The following KIZ variants were observed in gnomAD, a reference collection of about 807,000 sequenced individuals.
KIZ encodes centrosomal protein kizuna.
A neutral mutation model predicts 79.6 loss-of-function variants in KIZ; 68 were observed. The observed-to-expected ratio is 0.85, with a 90% CI of 0.70 to 1.05. The LOEUF (loss-of-function observed/expected upper bound fraction) is 1.05, where lower values mean the gene tolerates loss of function less well. Among genes scored for constraint, KIZ ranks in the 50% least tolerant of loss-of-function variants. The probability of loss-of-function intolerance (pLI) is 0.00; values close to 1 mark genes in which losing one functional copy is unlikely to be tolerated. For missense variants in KIZ, 797 were observed against 800.4 expected (o/e 1.00, Z 0.05); for synonymous variants, 280 against 281.8 (o/e 0.99, Z 0.06).
chr20:21,231,914 G>A (rs1014460180), intron 10 of KIZ, among the ~76,000 whole-genome samples: 2 of 152,158 alleles, frequency 1.3e-5, no homozygotes, highest in Non-Finnish European at 2.9e-5. Context: ...ACCTCCTCCT[G>A]GTAAGCATGT....
intron 9 of KIZ, among the ~76,000 whole-genome samples, chr20:21,224,153 A>G (rs1568992764): frequency 6.6e-6 from 1 of 151,734 alleles, no homozygotes; most frequent in Admixed American, 6.6e-5. Context: ...GCCACCATGC[A>G]GTGGTGCAGA....
intron 6 of KIZ, among the ~76,000 whole-genome samples, chr20:21,200,259 A>C (rs1452637788): frequency 6.6e-6 from 1 of 151,888 alleles, no homozygotes; most frequent in Admixed American, 6.6e-5. Context: ...CCCATAGCAT[A>C]CTCTAGAGCA....
chr20:21,154,581 A>G (rs1336372387), intron 4 of KIZ, among the ~76,000 whole-genome samples: 1 of 152,230 alleles, frequency 6.6e-6, no homozygotes, highest in Admixed American at 6.5e-5. Context: ...GCACTCAACT[A>G]CAGAAAGTAA....
intron 6 of KIZ, among the ~76,000 whole-genome samples, chr20:21,175,701 T>G (rs1290100089): frequency 2.0e-5 from 3 of 152,178 alleles, no homozygotes; most frequent in African/African-American, 7.2e-5. Flanking sequence ...GAACCACATG[T>G]CTCAGACCTT....
chr20:21,197,748 A>G (rs2035405514), intron 6 of KIZ: 1 of 152,258 alleles, frequency 6.6e-6, no homozygotes, highest in Non-Finnish European at 1.5e-5. Flanking sequence ...TTACAGATAT[A>G]TTTCAGTAAA....
At chr20:21,187,368 C>T (rs2034921495) in intron 6 of KIZ, among the ~76,000 whole-genome samples, 1 of 152,190 alleles carries the variant, frequency 6.6e-6, no homozygotes, top group Non-Finnish European at 1.5e-5. Context: ...ACCTGCCCTA[C>T]TCATCTGAGT....
At chr20:21,203,615 G>T (rs2123161296) in intron 6 of KIZ, among the ~76,000 whole-genome samples, 1 of 152,172 alleles carries the variant, frequency 6.6e-6, no homozygotes. Flanking sequence ...CATTTCTTCT[G>T]CATTTATTGG....
intron 6 of KIZ, among the ~76,000 whole-genome samples, chr20:21,181,189 A>G (rs879368640): frequency 3.3e-5 from 5 of 152,154 alleles, no homozygotes; most frequent in Non-Finnish European, 5.9e-5. Context: ...CATGCCAGCA[A>G]ACAGCACCAC....
intron 4 of KIZ, among the ~76,000 whole-genome samples, chr20:21,153,083 G>C (rs2033198431): frequency 6.6e-6 from 1 of 152,180 alleles, no homozygotes; most frequent in Non-Finnish European, 1.5e-5. Context: ...TGTGAACATG[G>C]ACAAGTTGCT....
At chr20:21,230,359 C>T (rs1384678191) in intron 10 of KIZ, among the ~76,000 whole-genome samples, 1 of 152,150 alleles carries the variant, frequency 6.6e-6, no homozygotes, top group Non-Finnish European at 1.5e-5. Flanking sequence ...CCTATACTAC[C>T]AGCTATTTAA....
At chr20:21,187,550 C>T (rs1166214405) in intron 6 of KIZ, among the ~76,000 whole-genome samples, 1 of 152,182 alleles carries the variant, frequency 6.6e-6, no homozygotes, top group African/African-American at 2.4e-5. Flanking sequence ...ATCATGCCTT[C>T]TTGTTTCCCT....
intron 6 of KIZ, among the ~76,000 whole-genome samples, chr20:21,204,462 A>T (rs1241059834): frequency 6.6e-6 from 1 of 151,864 alleles, no homozygotes; most frequent in Non-Finnish European, 1.5e-5. Flanking sequence ...TTTATTTTTT[A>T]AATTTTATTA....
intron 7 of KIZ, among the ~76,000 whole-genome samples, chr20:21,211,514 C>T (rs1327819543): frequency 6.6e-6 from 1 of 152,176 alleles, no homozygotes; most frequent in Non-Finnish European, 1.5e-5. Context: ...GAAACCCAAG[C>T]ATAGTTCAAT....
At chr20:21,226,601 C>T (rs531704713) in intron 9 of KIZ, among the ~76,000 whole-genome samples, 83 of 152,334 alleles carry the variant, frequency 5.4e-4, no homozygotes, top group African/African-American at 2.0e-3. Context: ...GTGCTAGGCG[C>T]TCTGCCCTCT....
intron 11 of KIZ, among the ~76,000 whole-genome samples, chr20:21,235,015 A>G (rs2036958790): frequency 6.6e-6 from 1 of 152,194 alleles, no homozygotes; most frequent in Non-Finnish European, 1.5e-5. Flanking sequence ...TGAGAGATAC[A>G]TTGTGCAAAT....
chr20:21,179,040 G>GGT (rs2034543867), intron 6 of KIZ, among the ~76,000 whole-genome samples: 1 of 151,728 alleles, frequency 6.6e-6, no homozygotes, highest in South Asian at 2.1e-4. Flanking sequence ...TCTTTTTTGT[G>GGT]GTATCTTTGC....
At chr20:21,216,347 A>G (rs746381099) in intron 9 of KIZ, among the ~76,000 whole-genome samples, 3 of 152,298 alleles carry the variant, frequency 2.0e-5, no homozygotes, top group Middle Eastern at 3.4e-3. Context: ...ATATTTACAC[A>G]AGTAAATACA....
chr20:21,230,571 T>C (rs2036801010), intron 10 of KIZ, among the ~76,000 whole-genome samples: 1 of 152,180 alleles, frequency 6.6e-6, no homozygotes, highest in African/African-American at 2.4e-5. Flanking sequence ...CTAGATAATA[T>C]TAGTGGTTAA....
At chr20:21,165,967 G>A (rs1389446519) in intron 6 of KIZ, among the ~76,000 whole-genome samples, 1 of 151,890 alleles carries the variant, frequency 6.6e-6, no homozygotes, top group East Asian at 1.9e-4. Context: ...GGCTAATTTT[G>A]TTTTTGTTTT....
Sources: allele counts gnomAD v4.1 joint callset (sites outside exome capture counted in the v4.1 genomes callset), GRCh38; gene constraint gnomAD v4.1.1; transcripts MANE v1.5; gene names NCBI Gene and HGNC (gene_info 2026-07-23, HGNC 2026-07-21).